The following CHST11 variants were observed in gnomAD, a reference collection of about 807,000 sequenced individuals.
CHST11 encodes the protein carbohydrate sulfotransferase 11.
CHST11 carries 9 observed loss-of-function variants against 30.4 expected under a neutral mutation model. The ratio of observed to expected loss-of-function variants is 0.30; its 90% CI spans 0.18 to 0.52. The LOEUF is 0.52. Ranked by LOEUF, CHST11 falls within the 20% of genes least tolerant of loss-of-function variation. The probability of loss-of-function intolerance (pLI) is 0.97; values close to 1 mark genes in which losing one functional copy is unlikely to be tolerated. For missense variants in CHST11, 348 were observed against 460.6 expected (o/e 0.76, Z 2.24); for synonymous variants, 152 against 187.8 (o/e 0.81, Z 1.56).
chr12:104,520,594 C>T lies in CHST11; in HGVS notation c.118+63065C>T, dbSNP rs2135987790. On this transcript the variant is annotated intron_variant, in intron 1 of 2. Coordinates refer to ENST00000303694, the MANE Select transcript of CHST11 (RefSeq NM_018413.6). ...TGCAAAGCACTTCTTGAAGGGGATT[C>T]TTAGGATGGCGTAATTTTGTTCACT... Among the ~76,000 whole-genome samples the T allele has an allele frequency of 1.3e-5, 2 of 152,204 alleles. 1 individual carries two copies.
intron 1 of CHST11, among the ~76,000 whole-genome samples, chr12:104,465,875 A>AT (rs939279373): frequency 3.1e-4 from 46 of 148,538 alleles, no homozygotes; most frequent in East Asian, 2.2e-3. Context: ...ATTTAATTTA[A>AT]TTTTTTTTTT....
chr12:104,538,267 A>G (rs936894336), intron 1 of CHST11, among the ~76,000 whole-genome samples: 1 of 152,124 alleles, frequency 6.6e-6, no homozygotes, highest in Non-Finnish European at 1.5e-5. Context: ...ACATTCCTCA[A>G]TTGGGATTTT....
At chr12:104,608,767 C>CT (rs2039030779) in intron 2 of CHST11, among the ~76,000 whole-genome samples, 1 of 152,190 alleles carries the variant, frequency 6.6e-6, no homozygotes, top group Non-Finnish European at 1.5e-5. Context: ...GGCTCTGTGT[C>CT]TGTGTTTTCC....
At chr12:104,473,944 A>G (rs2037534608) in intron 1 of CHST11, among the ~76,000 whole-genome samples, 1 of 152,138 alleles carries the variant, frequency 6.6e-6, no homozygotes. Context: ...CACCACCGCG[A>G]CCACTACAAC....
intron 1 of CHST11, among the ~76,000 whole-genome samples, chr12:104,519,881 AC>A (rs1265507801): frequency 6.6e-6 from 1 of 152,164 alleles, no homozygotes; most frequent in Non-Finnish European, 1.5e-5. Flanking sequence ...CAAAGCCTTC[AC>A]AGTTGGTTTT....
chr12:104,510,700 G>A (rs1408450916), intron 1 of CHST11, among the ~76,000 whole-genome samples: 1 of 152,222 alleles, frequency 6.6e-6, no homozygotes, highest in Non-Finnish European at 1.5e-5. Context: ...AGAATGTCTT[G>A]TTTGGCAGAC....
At position 104,637,788 on chromosome 12, in the gene CHST11, T is replaced by A. The variant is rs193112553; in HGVS notation, c.204+35797T>A. On this transcript the variant is annotated intron_variant, in intron 2 of 2. Coordinates refer to ENST00000303694, the MANE Select transcript of CHST11 (RefSeq NM_018413.6). ...CTGACCTTCAACCCATCTGGTCACG[T>A]ACATGCACTTGGTCTGCTTCCTGCT... 3.9e-5 allele frequency among the ~76,000 whole-genome samples: 6 copies of A among 152,330 alleles called. No homozygotes were observed. In the East Asian group the frequency reaches 1.2e-3, roughly 29 times the overall value.
intron 2 of CHST11, among the ~76,000 whole-genome samples, chr12:104,707,702 C>A (rs2040048227): frequency 6.6e-6 from 1 of 152,206 alleles, no homozygotes; most frequent in South Asian, 2.1e-4. Context: ...ACCCAGTCTC[C>A]TAAATCTCCA....
At chr12:104,501,614 A>T (rs905415995) in intron 1 of CHST11, among the ~76,000 whole-genome samples, 1 of 152,190 alleles carries the variant, frequency 6.6e-6, no homozygotes, top group Non-Finnish European at 1.5e-5. Context: ...CCTCCTTGGC[A>T]TTTGTGATTA....
At chr12:104,660,332 A>G (rs1592822981) in intron 2 of CHST11, among the ~76,000 whole-genome samples, 1 of 152,356 alleles carries the variant, frequency 6.6e-6, no homozygotes, top group Admixed American at 6.5e-5. Context: ...TTTTTAGCTC[A>G]CTGGGTCTCT....
At position 104,513,125 on chromosome 12, in the gene CHST11, G is replaced by GT. The variant is rs1242574151; in HGVS notation, c.118+55596_118+55597insT. On this transcript the variant is annotated intron_variant, in intron 1 of 2. Transcript: ENST00000303694. Reference sequence around the variant, plus strand: ...CCAGTGCTTCCAAATGTCATGACTGGGGGGGGGGGGGGTTGGGGGTGGGGA... The same window carrying GT: ...CCAGTGCTTCCAAATGTCATGACTGGTGGGGGGGGGGGGTTGGGGGTGGGGA... 2.7e-4 allele frequency among the ~76,000 whole-genome samples: 17 copies of GT among 63,568 alleles called. 1 individual carries two copies. The highest frequency in any genetic ancestry group is 3.6e-4 in the Non-Finnish European group (11 of 30,622). 41.7% of individuals were successfully genotyped at this position (63,568 alleles called of 152,430 possible). A position where few individuals can be genotyped will look rare whatever the true frequency, so the allele number is the denominator to read the frequency against.
intron 2 of CHST11, among the ~76,000 whole-genome samples, chr12:104,667,210 C>G (rs1427123497): frequency 6.6e-6 from 1 of 152,166 alleles, no homozygotes; most frequent in Non-Finnish European, 1.5e-5. Flanking sequence ...TGACTGCAAA[C>G]TTTTAAGATT....
intron 2 of CHST11, among the ~76,000 whole-genome samples, chr12:104,606,288 A>C (rs891649424): frequency 6.6e-6 from 1 of 151,928 alleles, no homozygotes; most frequent in African/African-American, 2.4e-5. Context: ...GTGCTAAAGT[A>C]AACTTACTTC....
chr12:104,664,227 T>G (rs2039622653), intron 2 of CHST11, among the ~76,000 whole-genome samples: 4 of 152,270 alleles, frequency 2.6e-5, no homozygotes, highest in Non-Finnish European at 5.9e-5. Context: ...GAGCTGAGGG[T>G]GAAGCGGCGG....
chr12:104,713,009 A>C (rs1376719417), intron 2 of CHST11, among the ~76,000 whole-genome samples: 1 of 152,072 alleles, frequency 6.6e-6, no homozygotes, highest in African/African-American at 2.4e-5. Context: ...AAATAAGAAA[A>C]TGCACTCATT....
At chr12:104,561,885 G>A (rs1215900462) in intron 1 of CHST11, among the ~76,000 whole-genome samples, 1 of 151,586 alleles carries the variant, frequency 6.6e-6, no homozygotes, top group Non-Finnish European at 1.5e-5. Flanking sequence ...CTGCCTCCCG[G>A]ATTCAAGCGA....
Position 104,702,098 on chromosome 12 carries a change from A to G in CHST11, c.205-54851A>G, listed in dbSNP as rs138686691. On this transcript the variant is annotated intron_variant, in intron 2 of 2. Transcript: ENST00000303694. The stretch of plus-strand genomic sequence containing the variant: ...GAAGCAGGCCGAGAGACTCTGCTCT[A>G]TGACATTTTCAAAGACTGTTGGAGA... 5.6e-3 allele frequency among the ~76,000 whole-genome samples: 848 copies of G among 152,268 alleles called. 12 individuals carry two copies. The highest frequency in any genetic ancestry group is 0.019 in the African/African-American group (776 of 41,536).
At chr12:104,540,073 A>G (rs943277591) in intron 1 of CHST11, among the ~76,000 whole-genome samples, 3 of 152,232 alleles carry the variant, frequency 2.0e-5, no homozygotes, top group African/African-American at 7.2e-5. Flanking sequence ...CAGTGCCTAT[A>G]CATCACTTCG....
chr12:104,540,671 A>AC (rs2136001169), intron 1 of CHST11, among the ~76,000 whole-genome samples: 1 of 152,232 alleles, frequency 6.6e-6, no homozygotes, highest in African/African-American at 2.4e-5. Flanking sequence ...GTCAAGGACC[A>AC]CCAGGGAAAC....
Sources: gnomAD v4.1 joint callset for allele counts (sites outside exome capture counted in the v4.1 genomes callset) on GRCh38, gnomAD v4.1.1 for gene constraint, MANE v1.5 for transcripts, NCBI Gene and HGNC (gene_info 2026-07-23, HGNC 2026-07-21) for gene names.